The following RAE1 variants were observed in gnomAD, a reference collection of about 807,000 sequenced individuals.
The protein encoded by RAE1 is mRNA export factor RAE1.
Under a neutral mutation model 52.7 loss-of-function variants are expected in RAE1, and 13 were observed. That is an observed-to-expected ratio of 0.25 (90% CI 0.16 to 0.39). RAE1 has a LOEUF of 0.39. Ranked by LOEUF, RAE1 falls within the 10% of genes least tolerant of loss-of-function variation. RAE1 has a pLI of 1.00. For missense variants in RAE1, 262 were observed against 459.8 expected (o/e 0.57, Z 3.93); for synonymous variants, 164 against 153.1 (o/e 1.07, Z -0.52).
intron 11 of RAE1, chr20:57,375,057 G>A: frequency 1.4e-6 from 1 of 700,110 alleles, no homozygotes. Context: ...CTGTTCCTGG[G>A]CACAGAAGCA....
intron 11 of RAE1, among the ~76,000 whole-genome samples, chr20:57,375,650 C>T (rs1401587876): frequency 2.6e-5 from 4 of 152,160 alleles, no homozygotes; most frequent in African/African-American, 4.8e-5. Context: ...TTAAGGCTAT[C>T]GAGAGAGTGG....
chr20:57,365,540 G>T (rs559750892), intron 5 of RAE1, 98 bp downstream of exon 5: 2 of 852,576 alleles, frequency 2.3e-6, no homozygotes, highest in Non-Finnish European at 3.5e-6. Flanking sequence ...ATAAGAAAAC[G>T]TGCAGTTAGA....
intron 8 of RAE1, 33 bp downstream of exon 8, chr20:57,368,845 T>G (rs755887981): frequency 6.6e-7 from 1 of 1,522,256 alleles, no homozygotes; most frequent in Admixed American, 1.7e-5. Flanking sequence ...AAGTATGTAT[T>G]TAGCACCTGT....
intron 11 of RAE1, among the ~76,000 whole-genome samples, chr20:57,376,764 T>C (rs2067122399): frequency 1.3e-5 from 2 of 152,210 alleles, no homozygotes; most frequent in African/African-American, 4.8e-5. Context: ...AATCTCCTCT[T>C]TGCATACTCA....
intron 3 of RAE1, among the ~76,000 whole-genome samples, chr20:57,356,128 G>C (rs1436179666): frequency 6.6e-6 from 1 of 152,170 alleles, no homozygotes; most frequent in Non-Finnish European, 1.5e-5. Context: ...AAAGAGGTAA[G>C]TTTCTACTTT....
intron 1 of RAE1, chr20:57,352,098 A>C (rs1191065713): frequency 1.7e-6 from 1 of 592,214 alleles, no homozygotes; most frequent in Non-Finnish European, 2.1e-6. Context: ...AGATATGTTA[A>C]AGTTGGCAAA....
At chr20:57,369,709 C>T (rs1389903514) in intron 8 of RAE1, among the ~76,000 whole-genome samples, 1 of 152,210 alleles carries the variant, frequency 6.6e-6, no homozygotes, top group Non-Finnish European at 1.5e-5. Context: ...AGCTTTTTCA[C>T]CTTAGCTCAA....
intron 7 of RAE1, 84 bp downstream of exon 7, chr20:57,367,163 G>C: frequency 8.5e-7 from 1 of 1,179,410 alleles, no homozygotes; most frequent in Non-Finnish European, 1.2e-6. Flanking sequence ...TGCAGTTAGT[G>C]AGTGGATAAT....
At chr20:57,376,936 A>G (rs968411321) in intron 11 of RAE1, among the ~76,000 whole-genome samples, 2 of 152,256 alleles carry the variant, frequency 1.3e-5, no homozygotes, top group African/African-American at 4.8e-5. Context: ...TAAGCAGTTA[A>G]TGTCAGCTTA....
intron 11 of RAE1, among the ~76,000 whole-genome samples, chr20:57,375,963 G>A (rs2067108906): frequency 6.6e-6 from 1 of 152,346 alleles, no homozygotes; most frequent in African/African-American, 2.4e-5. Flanking sequence ...CTCAGCCTGG[G>A]GGGCCACCAC....
chr20:57,359,368 C>A (rs6099579), intron 4 of RAE1: 5 of 187,740 alleles, frequency 2.7e-5, no homozygotes, highest in Middle Eastern at 1.9e-3. Flanking sequence ...ATCTTACTTA[C>A]ATTAACATTA....
chr20:57,371,423 A>G (rs545423051), intron 8 of RAE1: 1 of 152,354 alleles, frequency 6.6e-6, no homozygotes, highest in South Asian at 2.1e-4. Context: ...CATGTCTCCA[A>G]AGAAGACATA....
intron 4 of RAE1, among the ~76,000 whole-genome samples, chr20:57,364,332 G>A (rs1302590015): frequency 6.6e-6 from 1 of 152,200 alleles, no homozygotes; most frequent in Non-Finnish European, 1.5e-5. Context: ...TGCTGATGAC[G>A]TGGTGGGGCT....
rs569139563 is a variant in RAE1 at position 57,352,033 on chromosome 20, G to T, written c.-8+611G>T. On this transcript the variant is annotated intron_variant, in intron 1 of 11. Coordinates refer to ENST00000395841, the MANE Select transcript of RAE1 (RefSeq NM_003610.4). ...TGCCCTCTTGGAGCCAGCATTCTGG[G>T]GGGGAAGAGATTTTGAGTGTAAACA... 6 of 939,576 alleles carry T rather than the reference G, an allele frequency of 6.4e-6. No homozygotes were observed. The East Asian group carries it at 7.0e-4, about 109-fold the overall frequency. 58.2% of individuals were successfully genotyped at this position (939,576 alleles called of 1,614,324 possible). A position where few individuals can be genotyped will look rare whatever the true frequency, so the allele number is the denominator to read the frequency against.
rs561569216 is a variant in RAE1 at position 57,378,197 on chromosome 20, A to G, written c.*98A>G. The G allele has an allele frequency of 1.7e-5, 17 of 1,023,110 alleles. No individual in the cohort carries two copies. In the African/African-American group the frequency reaches 2.4e-4, roughly 15 times the overall value. 63.4% of individuals were successfully genotyped at this position (1,023,110 alleles called of 1,614,324 possible). ...AGCCTTGTTGGGTTGTCAGCCATGG[A>G]CATGGATTTCAACCCCTGGAGAAAA... On this transcript the variant is annotated 3_prime_UTR_variant, in exon 12 of 12. Coordinates refer to ENST00000395841, the MANE Select transcript of RAE1 (RefSeq NM_003610.4).
chr20:57,361,949 C>T (rs561532756), intron 4 of RAE1, among the ~76,000 whole-genome samples: 10 of 152,328 alleles, frequency 6.6e-5, no homozygotes, highest in East Asian at 3.9e-4. Flanking sequence ...GCCTGAGCTC[C>T]GCCTCCTGTC....
intron 11 of RAE1, among the ~76,000 whole-genome samples, chr20:57,377,310 C>A (rs978372636): frequency 6.6e-6 from 1 of 152,224 alleles, no homozygotes; most frequent in Non-Finnish European, 1.5e-5. Flanking sequence ...TCCGGATCAT[C>A]TGCCTGGCCC....
Position 57,351,430 on chromosome 20 carries a change from C to G in RAE1, c.-8+8C>G. On this transcript the variant is annotated splice_region_variant and intron_variant, in intron 1 of 11. Coordinates refer to ENST00000395841, the MANE Select transcript of RAE1 (RefSeq NM_003610.4). ...CCGGGGCGAGACCCCCAGGTAGGCC[C>G]CGTGCCGCGCGCGTCCCGTCGTTAA... 1.0e-6 allele frequency: 1 copy of G among 985,498 alleles called. No homozygotes were observed. The highest frequency in any genetic ancestry group is 1.2e-6 in the Non-Finnish European group (1 of 829,980). 61.0% of individuals were successfully genotyped at this position (985,498 alleles called of 1,614,324 possible). A position where few individuals can be genotyped will look rare whatever the true frequency, so the allele number is the denominator to read the frequency against.
Position 57,364,506 on chromosome 20 carries a change from A to G in RAE1, c.289-850A>G, listed in dbSNP as rs182093613. ...TCTTCTTTCAAATGAAGTCACTTCA[A>G]TGGAACAAGTTTTTGCTAGAGGAGA... On this transcript the variant is annotated intron_variant, in intron 4 of 11. Coordinates refer to ENST00000395841, the MANE Select transcript of RAE1 (RefSeq NM_003610.4). 4.3e-4 allele frequency among the ~76,000 whole-genome samples: 65 copies of G among 152,366 alleles called. No individual in the cohort carries two copies. The East Asian group carries it at 7.9e-3, about 19-fold the overall frequency.
Sources: allele counts gnomAD v4.1 joint callset (sites outside exome capture counted in the v4.1 genomes callset), GRCh38; gene constraint gnomAD v4.1.1; transcripts MANE v1.5; gene names NCBI Gene and HGNC (gene_info 2026-07-23, HGNC 2026-07-21).